The following ANO3 variants were observed in gnomAD, a reference collection of about 807,000 sequenced individuals.
ANO3 encodes anoctamin-3.
A neutral mutation model predicts 144.8 loss-of-function variants in ANO3; 99 were observed. The ratio of observed to expected loss-of-function variants is 0.68; its 90% CI spans 0.58 to 0.81. ANO3 has a LOEUF of 0.81. Ranked by LOEUF, ANO3 falls within the 30% of genes least tolerant of loss-of-function variation. The pLI is 0.00. For missense variants in ANO3, 905 were observed against 1,202.2 expected, an observed-to-expected ratio of 0.75 and a Z score of 3.66; for synonymous variants, 414 against 392.6, an observed-to-expected ratio of 1.05 and a Z score of -0.64.
chr11:26,598,342 A>G, intron 14 of ANO3, 23 bp from the exon 15 acceptor site: 1 of 1,385,054 alleles, frequency 7.2e-7, no homozygotes, highest in Non-Finnish European at 9.8e-7. Context: ...TGGGTAAAGA[A>G]TTATCATTTT....
At chr11:26,493,891 T>G (rs926695261) in intron 4 of ANO3, among the ~76,000 whole-genome samples, 2 of 152,196 alleles carry the variant, frequency 1.3e-5, no homozygotes, top group Non-Finnish European at 2.9e-5. Flanking sequence ...TCTAAATACC[T>G]TCTTTCAAGC....
chr11:26,619,371 C>T (rs1343331549), intron 17 of ANO3, among the ~76,000 whole-genome samples: 4 of 152,158 alleles, frequency 2.6e-5, no homozygotes, highest in African/African-American at 4.8e-5. Context: ...ACAAGTCCAT[C>T]TTACAGGTCA....
chr11:26,230,796 CCAAAAAAAAAAAAAAAAAAAAAAAA>C lies in ANO3; in HGVS notation c.154+41467_154+41491del, dbSNP rs1424546828. On this transcript the variant is annotated intron_variant, in intron 1 of 27. Coordinates refer to the ANO3 transcript ENST00000672621. ...TGGGTGACAGAGCATGACTCCATCT[CCAAAAAAAAAAAAAAAAAAAAAAAA>C]AAAAAAAAAAAAAAAAAGTTTATCT... Among the ~76,000 whole-genome samples, 180 of 79,468 alleles carry C rather than the reference CCAAAAAAAAAAAAAAAAAAAAAAAA, an allele frequency of 2.3e-3. 3 individuals are homozygous for C. Among genetic ancestry groups the C allele is most frequent in the Middle Eastern group, 6.9e-3 (1 of 144 alleles). 52.1% of individuals were successfully genotyped at this position (79,468 alleles called of 152,430 possible). A position where few individuals can be genotyped will look rare whatever the true frequency, so the allele number is the denominator to read the frequency against.
chr11:26,456,947 T>C (rs1859185283), intron 3 of ANO3, among the ~76,000 whole-genome samples: 1 of 149,844 alleles, frequency 6.7e-6, no homozygotes, highest in African/African-American at 2.5e-5. Flanking sequence ...AAATTGGAAA[T>C]CATCATTCTC....
intron 14 of ANO3, chr11:26,560,825 A>G: frequency 2.7e-6 from 1 of 368,600 alleles, no homozygotes; most frequent in Non-Finnish European, 4.8e-6. Flanking sequence ...CTAAGAAAAT[A>G]CTACTAAAAT....
chr11:26,263,077 G>T (rs1446669829), intron 1 of ANO3, among the ~76,000 whole-genome samples: 1 of 152,116 alleles, frequency 6.6e-6, no homozygotes, highest in Admixed American at 6.6e-5. Flanking sequence ...TTCATTCCAA[G>T]ACCAAGCTTT....
At chr11:26,488,272 AT>A (rs548146762) in intron 4 of ANO3, among the ~76,000 whole-genome samples, 56 of 152,296 alleles carry the variant, frequency 3.7e-4, no homozygotes, top group African/African-American at 1.3e-3. Flanking sequence ...AGAAAACCCC[AT>A]TTTTTGAGGA....
At position 26,294,442 on chromosome 11, in the gene ANO3, T is replaced by C. The variant is rs1854040149; in HGVS notation, c.155-15203T>C. ...GAAAAATAAACATTGTATATGTTTA[T>C]CATGTATTACATGTTGATTTGAAAT... On this transcript the variant is annotated intron_variant, in intron 1 of 27. Transcript: ENST00000672621. Among the ~76,000 whole-genome samples the C allele has an allele frequency of 2.0e-5, 3 of 151,790 alleles. No individual in the cohort carries two copies. In the South Asian group the frequency reaches 6.2e-4, roughly 31 times the overall value.
At chr11:26,213,827 G>A (rs1249766940) in intron 1 of ANO3, among the ~76,000 whole-genome samples, 1 of 151,900 alleles carries the variant, frequency 6.6e-6, no homozygotes, top group Non-Finnish European at 1.5e-5. Flanking sequence ...ATTTTGATTT[G>A]TGTGCAAATT....
rs1851735283 is a variant in ANO3, at chr11:26,599,627, G to A, written c.1749G>A (p.Lys583=). The A allele has an allele frequency of 6.2e-7, 1 of 1,614,028 alleles. No homozygotes were observed. Among genetic ancestry groups the A allele is most frequent in the Non-Finnish European group, 8.5e-7 (1 of 1,180,020 alleles). The change falls in exon 17 of 27, where the codon AAG becomes AAA. Residue 583 remains lysine (K), a synonymous_variant. Transcript: ENST00000256737. The part of the protein sequence containing the change: ...LVVMEQFASF[K]WNFIKQYWQF... ...TCATGGAACAGTTTGCATCATTCAA[G>A]TGGAATTTCATCAAACAATACTGGC...
At chr11:26,622,159 T>C (rs748982007) in intron 17 of ANO3, among the ~76,000 whole-genome samples, 2 of 152,188 alleles carry the variant, frequency 1.3e-5, no homozygotes, top group African/African-American at 2.4e-5. Context: ...TGATGCAGGT[T>C]TGCAAATACC....
At chr11:26,539,462 G>C (rs1849592213) in intron 10 of ANO3, among the ~76,000 whole-genome samples, 1 of 152,152 alleles carries the variant, frequency 6.6e-6, no homozygotes, top group Admixed American at 6.5e-5. Flanking sequence ...CTAAAGTTTA[G>C]CATATGAAGC....
intron 1 of ANO3, among the ~76,000 whole-genome samples, chr11:26,283,220 AT>A (rs1360525753): frequency 1.3e-5 from 2 of 149,624 alleles, no homozygotes. Context: ...TGCATGTCAC[AT>A]TTTTTCGTGT....
rs1448190168 is a variant in ANO3 at position 26,496,726 on chromosome 11, T to C, written c.433-11378T>C. Among the ~76,000 whole-genome samples the C allele has an allele frequency of 3.3e-5, 5 of 152,030 alleles. No individual in the cohort carries two copies. The East Asian group carries it at 9.7e-4, about 29-fold the overall frequency. ...ATGTCTATTATTCCATTCTCTATAT[T>C]CGTGTGTACATATAATTTAGCTCCC... is the stretch of plus-strand genomic sequence containing the variant. On this transcript the variant is annotated intron_variant, in intron 4 of 26. Coordinates refer to ENST00000256737, the MANE Select transcript of ANO3 (RefSeq NM_031418.4).
upstream of ANO3, among the ~76,000 whole-genome samples, chr11:26,304,777 T>TTAATCCA (rs1854334373): frequency 6.6e-6 from 1 of 152,184 alleles, no homozygotes; most frequent in South Asian, 2.1e-4. Flanking sequence ...CAAACATCAG[T>TTAATCCA]TAATCCATCT....
chr11:26,206,838 GCGC>G (rs1851803538), intron 1 of ANO3, among the ~76,000 whole-genome samples: 1 of 152,138 alleles, frequency 6.6e-6, no homozygotes, highest in Admixed American at 6.6e-5. Flanking sequence ...TTTAAAAACT[GCGC>G]CGTTTCAGTT....
chr11:26,361,627 T>C (rs565644869), intron 1 of ANO3, among the ~76,000 whole-genome samples: 4 of 152,170 alleles, frequency 2.6e-5, no homozygotes, highest in Non-Finnish European at 5.9e-5. Context: ...ACTTTGGTGC[T>C]TATTGCCCTT....
At chr11:26,600,347 CCT>C (rs1851762945) in intron 17 of ANO3, among the ~76,000 whole-genome samples, 2 of 75,040 alleles carry the variant, frequency 2.7e-5, no homozygotes, top group East Asian at 5.8e-4. Context: ...CCTCTCCTTT[CCT>C]CTCCCCTCTC....
chr11:26,286,140 G>T (rs1332797017), intron 1 of ANO3: 1 of 152,128 alleles, frequency 6.6e-6, no homozygotes, highest in African/African-American at 2.4e-5. Flanking sequence ...AAAATAAGCA[G>T]GTCAGCATTC....
Sources: gnomAD v4.1 joint callset for allele counts (sites outside exome capture counted in the v4.1 genomes callset) on GRCh38, gnomAD v4.1.1 for gene constraint, MANE v1.5 for transcripts, NCBI Gene and HGNC (gene_info 2026-07-23, HGNC 2026-07-21) for gene names.